The following SGCG variants were observed in gnomAD, a reference collection of about 807,000 sequenced individuals.
SGCG encodes sarcoglycan gamma.
A neutral mutation model predicts 29.3 loss-of-function variants in SGCG; 26 were observed. That is an observed-to-expected ratio of 0.89 (90% CI 0.65 to 1.23). The LOEUF is 1.23. Ranked by LOEUF, SGCG falls within the 50% of genes most tolerant of loss-of-function variation. The pLI, the probability that SGCG is intolerant of heterozygous loss-of-function variation, is 0.00. For missense variants in SGCG, 353 were observed against 356.0 expected (o/e 0.99, Z 0.07); for synonymous variants, 145 against 129.7 (o/e 1.12, Z -0.80).
intron 6 of SGCG, among the ~76,000 whole-genome samples, chr13:23,318,743 A>G (rs1414711049): frequency 6.6e-6 from 1 of 152,170 alleles, no homozygotes; most frequent in Non-Finnish European, 1.5e-5. Context: ...CTCATCTCCA[A>G]GTCTAGAAAT....
intron 5 of SGCG, among the ~76,000 whole-genome samples, chr13:23,290,931 A>G (rs1881681810): frequency 6.6e-6 from 1 of 152,212 alleles, no homozygotes; most frequent in Non-Finnish European, 1.5e-5. Context: ...GTCCAAGAGC[A>G]CCCTGATTGC....
Position 23,316,932 on chromosome 13 carries a change from C to T in SGCG, c.579-3705C>T, listed in dbSNP as rs149692105. On this transcript the variant is annotated intron_variant, in intron 6 of 7. Transcript: ENST00000218867. ...ATCAAGATGAAATCATTTGGCCGGG[C>T]GCGGTGGCTCATGCCTGTAATCCCA... Among the ~76,000 whole-genome samples, 1,465 of 152,166 alleles carry T rather than the reference C, an allele frequency of 9.6e-3. 11 individuals are homozygous for T. The highest frequency in any genetic ancestry group is 0.051 in the Middle Eastern group (15 of 294).
At chr13:23,265,344 C>G (rs781172229) in intron 4 of SGCG, among the ~76,000 whole-genome samples, 1 of 152,112 alleles carries the variant, frequency 6.6e-6, no homozygotes, top group Non-Finnish European at 1.5e-5. Flanking sequence ...TTTGGGAATC[C>G]GAAGCAGGAG....
chr13:23,322,412 C>G (rs1446024352), intron 7 of SGCG, among the ~76,000 whole-genome samples: 2 of 152,212 alleles, frequency 1.3e-5, no homozygotes, highest in Non-Finnish European at 2.9e-5. Context: ...TTAGCAACAA[C>G]TTCCATTTAA....
intron 5 of SGCG, among the ~76,000 whole-genome samples, chr13:23,283,444 G>A (rs1881382678): frequency 2.6e-5 from 4 of 152,096 alleles, no homozygotes; most frequent in Admixed American, 6.6e-5. Context: ...TGTAATCCCT[G>A]CTTTATCTTT....
At chr13:23,163,086 G>A in the SGCG span, among the ~76,000 whole-genome samples, 35 of 152,218 alleles carry the variant, frequency 2.3e-4, no homozygotes, top group East Asian at 6.6e-3. Context: ...AATTTTCGTA[G>A]GTTTTCTGTA....
At chr13:23,293,492 T>C (rs1881793286) in intron 5 of SGCG, among the ~76,000 whole-genome samples, 1 of 152,160 alleles carries the variant, frequency 6.6e-6, no homozygotes, top group African/African-American at 2.4e-5. Flanking sequence ...ATAACAAAGC[T>C]AATATAGCCA....
chr13:23,188,311 C>CTTT lies in SGCG; in HGVS notation c.-1+7265_-1+7267dup, dbSNP rs71100159. ...CGTCTGAACACATCTTTTACTAAGG[C>CTTT]TTTTTTTTTTTTTTTTTTTTTTTTT... On this transcript the variant is annotated intron_variant, in intron 1 of 7. Transcript: ENST00000218867. Among the ~76,000 whole-genome samples, 50 of 78,342 alleles carry CTTT rather than the reference C, an allele frequency of 6.4e-4. 4 individuals carry two copies. Among genetic ancestry groups the CTTT allele is most frequent in the African/African-American group, 1.6e-3 (32 of 20,256 alleles). 51.4% of individuals were successfully genotyped at this position (78,342 alleles called of 152,430 possible).
the SGCG span, among the ~76,000 whole-genome samples, chr13:23,168,698 A>G: frequency 6.6e-6 from 1 of 152,342 alleles, no homozygotes; most frequent in East Asian, 1.9e-4. Flanking sequence ...CTATTCTAGC[A>G]GACAAACATT....
chr13:23,191,631 A>T (rs942477237), intron 1 of SGCG, among the ~76,000 whole-genome samples: 3 of 152,208 alleles, frequency 2.0e-5, no homozygotes, highest in Non-Finnish European at 1.5e-5. Flanking sequence ...TTGTAGAGCT[A>T]AATAAGGTTT....
Position 23,324,513 on chromosome 13 carries a change from G to A in SGCG, c.848G>A (p.Cys283Tyr), listed in dbSNP as rs104894422. Residue 283 changes from cysteine to tyrosine, a missense_variant, in exon 8 of 8, where the codon TGC becomes TAC. Transcript: ENST00000218867. Reference sequence around the variant, plus strand: ...TCTGTGGCCGGTGTGAGCACCACGTGCCAGGAGCACAACCACATCTGCCTC... The same window carrying A: ...TCTGTGGCCGGTGTGAGCACCACGTACCAGGAGCACAACCACATCTGCCTC... ...YLSVAGVSTT[C>Y]QEHNHICL The A allele has an allele frequency of 5.6e-6, 9 of 1,612,790 alleles. No homozygotes were observed. The highest frequency in any genetic ancestry group is 2.2e-5 in the East Asian group (1 of 44,864).
intron 2 of SGCG, among the ~76,000 whole-genome samples, chr13:23,209,065 T>C (rs1417555180): frequency 6.6e-6 from 1 of 152,138 alleles, no homozygotes; most frequent in Non-Finnish European, 1.5e-5. Context: ...CTAAGCTAAC[T>C]ATATTAACTC....
At chr13:23,264,822 G>A (rs1880576814) in intron 4 of SGCG, among the ~76,000 whole-genome samples, 2 of 152,218 alleles carry the variant, frequency 1.3e-5, no homozygotes, top group Admixed American at 1.3e-4. Flanking sequence ...AACATAAACT[G>A]GGGAAAACAC....
rs1882039444 is a variant in SGCG, at chr13:23,299,427, TATATATATATATATA to T, written c.578+3941_578+3955del. On this transcript the variant is annotated intron_variant, in intron 6 of 7. Coordinates refer to ENST00000218867, the MANE Select transcript of SGCG (RefSeq NM_000231.3). ...GTTGGCATATATATATATATATATATATATATATATATATATATATATATATATATTTTTTTTTTT... is the reference window on the plus strand; with the variant it reads ...GTTGGCATATATATATATATATATATTATATATATATATATTTTTTTTTTT... Among the ~76,000 whole-genome samples the T allele has an allele frequency of 3.0e-4, 4 of 13,530 alleles. 1 individual carries two copies. Among genetic ancestry groups the T allele is most frequent in the African/African-American group, 4.1e-4 (2 of 4,830 alleles). 8.9% of individuals were successfully genotyped at this position (13,530 alleles called of 152,430 possible).
At chr13:23,245,621 G>T (rs1382640642) in intron 3 of SGCG, 1 of 152,114 alleles carries the variant, frequency 6.6e-6, no homozygotes, top group Non-Finnish European at 1.5e-5. Flanking sequence ...TCAGTAAGGG[G>T]CGACCTAATA....
intron 2 of SGCG, among the ~76,000 whole-genome samples, chr13:23,208,286 G>T (rs1878057551): frequency 6.6e-6 from 1 of 152,114 alleles, no homozygotes; most frequent in Non-Finnish European, 1.5e-5. Context: ...ATCCTCAACA[G>T]TGTAGCAATG....
intron 6 of SGCG, among the ~76,000 whole-genome samples, chr13:23,299,991 A>C (rs929856661): frequency 2.0e-5 from 3 of 152,244 alleles, no homozygotes; most frequent in Non-Finnish European, 4.4e-5. Flanking sequence ...TTTAACTGCT[A>C]TGATAAAAGT....
chr13:23,311,967 C>T (rs1882615735), intron 6 of SGCG, among the ~76,000 whole-genome samples: 1 of 151,986 alleles, frequency 6.6e-6, no homozygotes, highest in Non-Finnish European at 1.5e-5. Flanking sequence ...GTTTTCGTTG[C>T]TTTTTTGCAA....
rs1165066364 is a variant in SGCG at position 23,314,258 on chromosome 13, C to T, written c.579-6379C>T. Among the ~76,000 whole-genome samples the T allele has an allele frequency of 3.4e-5, 5 of 147,142 alleles. No homozygotes were observed. The Admixed American group carries it at 3.4e-4, about 10-fold the overall frequency. On this transcript the variant is annotated intron_variant, in intron 6 of 7. Transcript: ENST00000218867. Reference sequence around the variant, plus strand: ...TTGATTGGTGTATTAGTCAGGGTTCCCTAGAGGGACAGAACTAATAAGATA... The same window carrying T: ...TTGATTGGTGTATTAGTCAGGGTTCTCTAGAGGGACAGAACTAATAAGATA...
Sources: gnomAD v4.1 joint callset for allele counts (sites outside exome capture counted in the v4.1 genomes callset) on GRCh38, gnomAD v4.1.1 for gene constraint, MANE v1.5 for transcripts, NCBI Gene and HGNC (gene_info 2026-07-23, HGNC 2026-07-21) for gene names.